The following ZFHX3 variants were observed in gnomAD, a reference collection of about 807,000 sequenced individuals.
The protein encoded by ZFHX3 is zinc finger homeobox 3.
In ZFHX3, 42 loss-of-function variants were observed where a neutral mutation model predicts 279.1. The observed-to-expected ratio is 0.15, with a 90% CI of 0.12 to 0.19. The LOEUF (loss-of-function observed/expected upper bound fraction) is 0.19. Among genes scored for constraint, ZFHX3 ranks in the 10% least tolerant of loss-of-function variants. ZFHX3 has a pLI of 1.00. For synonymous variants in ZFHX3, 2,293 were observed against 1,957.8 expected (o/e 1.17, Z -4.52); for missense variants, 4,981 against 4,754.0 (o/e 1.05, Z -1.40).
chr16:73,066,547 C>T (rs1205578122), intron 8 of ZFHX3, among the ~76,000 whole-genome samples: 2 of 152,146 alleles, frequency 1.3e-5, no homozygotes, highest in Admixed American at 6.5e-5. Context: ...CCCAGGCGCC[C>T]CTCACAGGTG....
At chr16:73,791,259 C>G (rs2142314606) in intron 1 of ZFHX3, among the ~76,000 whole-genome samples, 1 of 152,182 alleles carries the variant, frequency 6.6e-6, no homozygotes, top group East Asian at 1.9e-4. Flanking sequence ...GCCACCGTGC[C>G]CAGCCCCAAC....
At chr16:72,812,676 A>G (rs780531693) in intron 5 of ZFHX3, among the ~76,000 whole-genome samples, 1 of 152,198 alleles carries the variant, frequency 6.6e-6, no homozygotes, top group Non-Finnish European at 1.5e-5. Flanking sequence ...GATATAATCT[A>G]GCCAGTGCTC....
chr16:73,199,528 C>T (rs1968224533), intron 5 of ZFHX3, among the ~76,000 whole-genome samples: 1 of 152,216 alleles, frequency 6.6e-6, no homozygotes, highest in Non-Finnish European at 1.5e-5. Context: ...ACCCATTGCT[C>T]TCTTGGCTAC....
chr16:73,381,157 A>G (rs966603375), intron 3 of ZFHX3, among the ~76,000 whole-genome samples: 2 of 152,016 alleles, frequency 1.3e-5, no homozygotes, highest in African/African-American at 4.8e-5. Flanking sequence ...TTATTGAAAG[A>G]CCCCCCAAAC....
At chr16:72,991,112 T>G (rs915713373) in intron 1 of ZFHX3, among the ~76,000 whole-genome samples, 1 of 152,188 alleles carries the variant, frequency 6.6e-6, no homozygotes, top group Non-Finnish European at 1.5e-5. Flanking sequence ...GGCTTCATCT[T>G]CCATGACCTC....
chr16:73,430,808 T>C (rs1405892674), intron 3 of ZFHX3, among the ~76,000 whole-genome samples: 3 of 152,240 alleles, frequency 2.0e-5, no homozygotes, highest in African/African-American at 7.2e-5. Context: ...CATGGCACTA[T>C]TTCTTAATCG....
At chr16:73,194,021 G>A (rs1449310147) in intron 5 of ZFHX3, among the ~76,000 whole-genome samples, 2 of 152,162 alleles carry the variant, frequency 1.3e-5, no homozygotes, top group Non-Finnish European at 2.9e-5. Flanking sequence ...GGGTTCTTAA[G>A]CTTCTGAGGG....
At chr16:73,262,419 C>T (rs947010878) in intron 4 of ZFHX3, among the ~76,000 whole-genome samples, 4 of 152,196 alleles carry the variant, frequency 2.6e-5, no homozygotes, top group South Asian at 2.1e-4. Context: ...GAAACTTACA[C>T]TGATAGTCCA....
intron 3 of ZFHX3, among the ~76,000 whole-genome samples, chr16:72,932,157 G>C (rs1959848872): frequency 6.6e-6 from 1 of 152,128 alleles, no homozygotes; most frequent in African/African-American, 2.4e-5. Flanking sequence ...GTTCTAACTT[G>C]CATCTAATTT....
chr16:73,680,347 G>C (rs1014124085), intron 1 of ZFHX3: 1 of 152,098 alleles, frequency 6.6e-6, no homozygotes, highest in African/African-American at 2.4e-5. Context: ...CTAAAAATAA[G>C]GCACATTCTG....
intron 3 of ZFHX3, among the ~76,000 whole-genome samples, chr16:72,939,604 C>A (rs1429738882): frequency 1.3e-5 from 2 of 152,336 alleles, no homozygotes; most frequent in South Asian, 4.1e-4. Flanking sequence ...CCCATAGATA[C>A]AGGCTGGGTG....
At chr16:73,228,802 C>A (rs1276517336) in intron 5 of ZFHX3, among the ~76,000 whole-genome samples, 4 of 152,102 alleles carry the variant, frequency 2.6e-5, no homozygotes, top group African/African-American at 9.7e-5. Context: ...CCTGGGATTA[C>A]GTGGTCTCAT....
intron 4 of ZFHX3, among the ~76,000 whole-genome samples, chr16:73,315,269 TA>T (rs1380373448): frequency 6.6e-6 from 1 of 151,494 alleles, no homozygotes; most frequent in African/African-American, 2.4e-5. Context: ...AAGTGACATA[TA>T]ATGATACAAT....
At chr16:73,803,414 T>C (rs1228226682) in intron 1 of ZFHX3, among the ~76,000 whole-genome samples, 2 of 152,176 alleles carry the variant, frequency 1.3e-5, no homozygotes, top group Non-Finnish European at 2.9e-5. Flanking sequence ...AATACTCCAA[T>C]ATATTACTGA....
At chr16:73,810,589 T>G (rs978486108) in intron 1 of ZFHX3, among the ~76,000 whole-genome samples, 1 of 152,208 alleles carries the variant, frequency 6.6e-6, no homozygotes, top group African/African-American at 2.4e-5. Context: ...CATTATCTTA[T>G]TTGAGCCTTA....
chr16:73,429,480 C>T (rs2143511210), intron 3 of ZFHX3, among the ~76,000 whole-genome samples: 1 of 151,668 alleles, frequency 6.6e-6, no homozygotes, highest in South Asian at 2.1e-4. Flanking sequence ...TTACAGATGC[C>T]CGCCACCATG....
At chr16:73,852,452 A>AT (rs1339196019) in intron 1 of ZFHX3, among the ~76,000 whole-genome samples, 4 of 152,228 alleles carry the variant, frequency 2.6e-5, no homozygotes, top group African/African-American at 4.8e-5. Flanking sequence ...TATTTTAGTG[A>AT]TTTTTTAAAA....
chr16:73,606,945 C>T (rs903348380), intron 2 of ZFHX3, among the ~76,000 whole-genome samples: 3 of 152,134 alleles, frequency 2.0e-5, no homozygotes, highest in Non-Finnish European at 4.4e-5. Context: ...CTTGTAATCT[C>T]CAGCTCTGAG....
chr16:73,010,536 G>C (rs1403527605), intron 1 of ZFHX3, among the ~76,000 whole-genome samples: 1 of 152,196 alleles, frequency 6.6e-6, no homozygotes, highest in Non-Finnish European at 1.5e-5. Context: ...TTATCAGAGA[G>C]CCCGGCACAC....
Sources: gnomAD v4.1 joint callset for allele counts (sites outside exome capture counted in the v4.1 genomes callset) on GRCh38, gnomAD v4.1.1 for gene constraint, MANE v1.5 for transcripts, NCBI Gene and HGNC (gene_info 2026-07-23, HGNC 2026-07-21) for gene names.